Variants in LRRTM4 observed in about 807,000 individuals in gnomAD.
LRRTM4 encodes leucine rich repeat transmembrane neuronal 4.
A neutral mutation model predicts 47.6 loss-of-function variants in LRRTM4; 25 were observed. That is an observed-to-expected ratio of 0.53 (90% CI 0.38 to 0.73). The LOEUF (loss-of-function observed/expected upper bound fraction) is 0.73. LRRTM4 is among the 30% of genes least tolerant of loss of function. The pLI is 0.00. For synonymous variants in LRRTM4, 311 were observed against 269.5 expected, an observed-to-expected ratio of 1.15 and a Z score of -1.51; for missense variants, 638 against 713.4, an observed-to-expected ratio of 0.89 and a Z score of 1.20.
chr2:76,896,921 G>T (rs1269356401), intron 3 of LRRTM4, among the ~76,000 whole-genome samples: 1 of 150,978 alleles, frequency 6.6e-6, no homozygotes, highest in Non-Finnish European at 1.5e-5. Flanking sequence ...TATGCAAGAA[G>T]TGTGAGTTAT....
rs1671799929 is a variant in LRRTM4 at position 77,131,416 on chromosome 2, A to C, written c.1552-382500T>G. On this transcript the variant is annotated intron_variant, in intron 3 of 3. Transcript: ENST00000409884. ...CCATCACTGACTAATTGGCTCTGAT[A>C]ATCTGTTGTGTTAAATTCATAAAAC... 2.6e-5 allele frequency among the ~76,000 whole-genome samples: 4 copies of C among 152,188 alleles called. No homozygotes were observed. In the South Asian group the frequency reaches 8.3e-4, roughly 31 times the overall value.
intron 3 of LRRTM4, among the ~76,000 whole-genome samples, chr2:76,884,328 G>A (rs1673011681): frequency 6.6e-6 from 1 of 152,130 alleles, no homozygotes; most frequent in Admixed American, 6.5e-5. Context: ...AAATGGGCAG[G>A]GAATTTAAAG....
At position 76,852,046 on chromosome 2, in the gene LRRTM4, G is replaced by T. The variant is rs927924025; in HGVS notation, c.1552-103130C>A. 4.7e-4 allele frequency among the ~76,000 whole-genome samples: 72 copies of T among 151,886 alleles called. 1 individual carries two copies. The highest frequency in any genetic ancestry group is 7.1e-4 in the Non-Finnish European group (48 of 67,978). ...GAAGCCTCACTTTTTTTCTAATCCT[G>T]TTCAGATATAGCTAATGATTTTTGA... is the stretch of plus-strand genomic sequence containing the variant. On this transcript the variant is annotated intron_variant, in intron 3 of 3. Transcript: ENST00000409884.
chr2:76,783,325 T>C (rs1674497966), intron 3 of LRRTM4, among the ~76,000 whole-genome samples: 1 of 152,008 alleles, frequency 6.6e-6, no homozygotes. Context: ...CAAATAATGG[T>C]TGGAAAAGTC....
At chr2:77,263,166 C>A (rs1478862070) in intron 3 of LRRTM4, among the ~76,000 whole-genome samples, 3 of 152,176 alleles carry the variant, frequency 2.0e-5, no homozygotes, top group South Asian at 4.1e-4. Flanking sequence ...TGGAGAGCTT[C>A]TGGGTTGCTG....
At chr2:77,468,324 T>C (rs1435549991) in intron 3 of LRRTM4, among the ~76,000 whole-genome samples, 4 of 152,190 alleles carry the variant, frequency 2.6e-5, no homozygotes, top group Non-Finnish European at 4.4e-5. Flanking sequence ...TATGTTATGT[T>C]TGGGGAAGCA....
intron 3 of LRRTM4, among the ~76,000 whole-genome samples, chr2:77,308,634 A>T (rs888871399): frequency 6.6e-6 from 1 of 152,090 alleles, no homozygotes; most frequent in Non-Finnish European, 1.5e-5. Flanking sequence ...AATAAATACC[A>T]TTTTATCTCC....
chr2:77,240,687 G>A (rs887292989), intron 3 of LRRTM4, among the ~76,000 whole-genome samples: 10 of 151,874 alleles, frequency 6.6e-5, no homozygotes, highest in South Asian at 2.1e-4. Flanking sequence ...AAATGCTACC[G>A]CCACTATTAT....
At chr2:77,173,294 C>T (rs1002670810) in intron 3 of LRRTM4, among the ~76,000 whole-genome samples, 3 of 152,132 alleles carry the variant, frequency 2.0e-5, no homozygotes, top group African/African-American at 7.2e-5. Flanking sequence ...AAAATACCAT[C>T]TCAAGAGTTC....
chr2:77,230,821 A>T (rs1406676025), intron 3 of LRRTM4, among the ~76,000 whole-genome samples: 1 of 152,170 alleles, frequency 6.6e-6, no homozygotes, highest in Non-Finnish European at 1.5e-5. Context: ...ATACATTTTT[A>T]AAAGAAATAG....
At chr2:77,231,239 G>GCA (rs145635473) in intron 3 of LRRTM4, among the ~76,000 whole-genome samples, 3 of 150,828 alleles carry the variant, frequency 2.0e-5, no homozygotes, top group South Asian at 2.1e-4. Flanking sequence ...ACACACAGAT[G>GCA]CACACACACA....
intron 3 of LRRTM4, among the ~76,000 whole-genome samples, chr2:76,778,619 T>C (rs1343263978): frequency 6.6e-6 from 1 of 152,158 alleles, no homozygotes; most frequent in South Asian, 2.1e-4. Flanking sequence ...CCCTTTATCA[T>C]TTTTTACTGC....
At position 77,368,439 on chromosome 2, in the gene LRRTM4, C is replaced by T. The variant is rs189129267; in HGVS notation, c.1551+149879G>A. On this transcript the variant is annotated intron_variant, in intron 3 of 3. Transcript: ENST00000409884. ...TACTCCTGAATCCTCAAACATAAGCCGCCTTTTTAGAAAACAAAAGCTAGC... is the reference window on the plus strand; with the variant it reads ...TACTCCTGAATCCTCAAACATAAGCTGCCTTTTTAGAAAACAAAAGCTAGC... 2.3e-4 allele frequency among the ~76,000 whole-genome samples: 35 copies of T among 151,648 alleles called. No homozygotes were observed. In the East Asian group the frequency reaches 4.9e-3, roughly 21 times the overall value.
chr2:76,973,962 A>G (rs1218731504), intron 3 of LRRTM4, among the ~76,000 whole-genome samples: 1 of 151,492 alleles, frequency 6.6e-6, no homozygotes, highest in African/African-American at 2.4e-5. Context: ...AATGCCTGTC[A>G]TTTTCACATT....
intron 3 of LRRTM4, among the ~76,000 whole-genome samples, chr2:77,292,125 T>G (rs550057557): frequency 6.6e-6 from 1 of 151,732 alleles, no homozygotes; most frequent in African/African-American, 2.4e-5. Flanking sequence ...ATCAGAGAAA[T>G]GCAAATCAAA....
At chr2:76,837,502 C>G (rs62173090) in intron 3 of LRRTM4, among the ~76,000 whole-genome samples, 50,931 of 151,790 alleles carry the variant, frequency 0.34, 8,906 homozygotes, top group Middle Eastern at 0.47. Context: ...TTCCTGCTTT[C>G]TCTTGTGGGC....
intron 3 of LRRTM4, among the ~76,000 whole-genome samples, chr2:76,804,376 T>C (rs1235560063): frequency 1.3e-5 from 2 of 152,012 alleles, no homozygotes; most frequent in African/African-American, 4.8e-5. Flanking sequence ...TTTGAAAACA[T>C]GAGAACACAC....
In LRRTM4 at chr2:77,011,080, G is replaced by T. The variant is rs150180723; in HGVS notation, c.1552-262164C>A. On this transcript the variant is annotated intron_variant, in intron 3 of 3. Coordinates refer to ENST00000409884, the MANE Select transcript of LRRTM4 (RefSeq NM_001134745.3). ...GAGTAGCCCACAAGAGCCGTATCTA[G>T]AAAGAATATAATGCAAGTCCCAAAT... is the stretch of plus-strand genomic sequence containing the variant. Among the ~76,000 whole-genome samples the T allele has an allele frequency of 3.8e-3, 573 of 152,150 alleles. 1 individual carries two copies. The highest frequency in any genetic ancestry group is 0.013 in the African/African-American group (549 of 41,512).
intron 3 of LRRTM4, among the ~76,000 whole-genome samples, chr2:77,158,130 G>T (rs1167742663): frequency 2.6e-5 from 4 of 151,394 alleles, no homozygotes; most frequent in African/African-American, 9.7e-5. Context: ...GAGGGAGGAG[G>T]TATGGAGAGA....
Sources: gnomAD v4.1 joint callset for allele counts (sites outside exome capture counted in the v4.1 genomes callset) on GRCh38, gnomAD v4.1.1 for gene constraint, MANE v1.5 for transcripts, NCBI Gene and HGNC (gene_info 2026-07-23, HGNC 2026-07-21) for gene names.